SYT12: variants seen among roughly 807,000 people sequenced by gnomAD.
SYT12 encodes the protein synaptotagmin 12, also known as synaptotagmin-12.
SYT12 carries 27 observed loss-of-function variants against 39.5 expected under a neutral mutation model. The observed-to-expected ratio is 0.68, with a 90% confidence interval of 0.50 to 0.94. The LOEUF (loss-of-function observed/expected upper bound fraction) is 0.94, where lower values mean the gene tolerates loss of function less well. Ranked by LOEUF, SYT12 falls within the 40% of genes least tolerant of loss-of-function variation. The pLI is 0.00. For missense variants in SYT12, 536 were observed against 572.6 expected, an observed-to-expected ratio of 0.94 and a Z score of 0.65; for synonymous variants, 233 against 239.7, an observed-to-expected ratio of 0.97 and a Z score of 0.26.
chr11:67,025,278 TAGCA>T (rs765728977), intron 1 of SYT12, among the ~76,000 whole-genome samples: 8 of 152,244 alleles, frequency 5.3e-5, no homozygotes, highest in Non-Finnish European at 1.0e-4. Context: ...CACATGCATG[TAGCA>T]GTAAGGAGAT....
chr11:67,027,892 G>A (rs1162929722), intron 1 of SYT12: 2 of 152,258 alleles, frequency 1.3e-5, no homozygotes, highest in Non-Finnish European at 2.9e-5. Context: ...AAGCAGGCTG[G>A]GAGGTGCGTG....
intron 3 of SYT12, among the ~76,000 whole-genome samples, chr11:67,015,313 C>A (rs530188622): frequency 6.6e-6 from 1 of 152,356 alleles, no homozygotes; most frequent in South Asian, 2.1e-4. Flanking sequence ...GTCCCTGCCA[C>A]CCCTGCTGGC....
intron 1 of SYT12, among the ~76,000 whole-genome samples, 191 bp downstream of exon 1, chr11:67,023,651 C>CCCGG (rs1053995036): frequency 8.5e-5 from 13 of 152,218 alleles, no homozygotes; most frequent in Non-Finnish European, 1.5e-4. Flanking sequence ...CCTTACCCGG[C>CCCGG]CCGGCCACTC....
In SYT12 at chr11:67,045,792, A is replaced by G; in HGVS notation, c.1007A>G (p.Lys336Arg). Residue 336 changes from lysine (K) to arginine (R), a missense_variant, in exon 7 of 8, where the codon AAA becomes AGA. Coordinates refer to ENST00000527043, the MANE Select transcript of SYT12 (RefSeq NM_177963.4). ...YLLQDGRKMS[K>R]KKTAVKRDDP... ...CTGCAGGATGGGAGGAAGATGAGCA[A>G]AAAGAAGACAGCCGTGAAGAGGGAT... 6.2e-7 allele frequency: 1 copy of G among 1,613,896 alleles called. No homozygotes were observed. Among genetic ancestry groups the G allele is most frequent in the South Asian group, 1.1e-5 (1 of 91,056 alleles).
intron 2 of SYT12, chr11:67,032,381 C>G (rs931370563): frequency 6.6e-5 from 10 of 152,202 alleles, no homozygotes; most frequent in African/African-American, 2.2e-4. Context: ...AGACACAAAA[C>G]CTGTTGGGAT....
intron 6 of SYT12, among the ~76,000 whole-genome samples, chr11:67,045,222 G>C (rs1219731053): frequency 1.4e-5 from 2 of 147,830 alleles, no homozygotes; most frequent in Non-Finnish European, 3.0e-5. Flanking sequence ...CTGTATTCTA[G>C]AGAACTGAAG....
Position 67,043,716 on chromosome 11 carries a change from A to G in SYT12, c.700A>G (p.Ser234Gly), listed in dbSNP as rs202021789. ...GGATCCCACAGCCCTGGAGGAGAAG[A>G]GCCTGCGGTTTTCTGTATTTGGCAT... ...PLDPTALEEK[S>G]LRFSVFGIDE... Residue 234 changes from serine (S) to glycine (G), a missense_variant, in exon 5 of 8, where the codon AGC (serine) becomes GGC (glycine). Coordinates refer to ENST00000527043, the MANE Select transcript of SYT12 (RefSeq NM_177963.4). 8.1e-6 allele frequency: 13 copies of G among 1,614,154 alleles called. No homozygotes were observed. Among genetic ancestry groups the G allele is most frequent in the Non-Finnish European group, 1.1e-5 (13 of 1,180,048 alleles).
At chr11:67,014,369 A>G (rs1950036578) in intron 3 of SYT12, among the ~76,000 whole-genome samples, 1 of 152,148 alleles carries the variant, frequency 6.6e-6, no homozygotes, top group South Asian at 2.1e-4. Flanking sequence ...AATGAGTTTG[A>G]TGACTGTGAA....
chr11:67,037,116 A>G (rs1463760048), intron 3 of SYT12, among the ~76,000 whole-genome samples: 2 of 152,074 alleles, frequency 1.3e-5, no homozygotes, highest in Non-Finnish European at 2.9e-5. Context: ...TTAGCTGAGC[A>G]TGGTGGCAGG....
exon 1 of SYT12, chr11:67,006,869 A>G (rs1258674789): frequency 6.6e-6 from 1 of 152,268 alleles, no homozygotes; most frequent in African/African-American, 2.4e-5. Flanking sequence ...TGGTCTCTCC[A>G]ACCCTGATCC....
chr11:67,048,898 CTCTG>C lies in SYT12; in HGVS notation c.*144_*147del. On this transcript the variant is annotated 3_prime_UTR_variant, in exon 8 of 8. Transcript: ENST00000527043. ...GAGTCCTCATGACCCATCCTGGTCT[CTCTG>C]TCCAGATTGCAGCAGAGGAGTGGGC... 1.4e-5 allele frequency: 14 copies of C among 992,954 alleles called. No homozygotes were observed. In the South Asian group the frequency reaches 2.2e-4, roughly 16 times the overall value. 61.5% of individuals were successfully genotyped at this position (992,954 alleles called of 1,614,324 possible). A position where few individuals can be genotyped will look rare whatever the true frequency, so the allele number is the denominator to read the frequency against.
At chr11:67,030,094 T>C (rs1950236914) in intron 1 of SYT12, 28 bp from the exon 2 acceptor site, 7 of 1,609,016 alleles carry the variant, frequency 4.4e-6, no homozygotes, top group Non-Finnish European at 5.9e-6. Context: ...TCTGCAGCCC[T>C]CTCCTCTCAC....
At chr11:67,039,039 C>G (rs1041178551) in intron 3 of SYT12, among the ~76,000 whole-genome samples, 1 of 151,786 alleles carries the variant, frequency 6.6e-6, no homozygotes. Context: ...AGTGGTGGCT[C>G]GCACCTGTAA....
chr11:67,017,054 A>G (rs1405843391), intron 3 of SYT12, among the ~76,000 whole-genome samples: 1 of 152,242 alleles, frequency 6.6e-6, no homozygotes, highest in Non-Finnish European at 1.5e-5. Context: ...GACTTGCTCT[A>G]TACCAGGCAT....
intron 3 of SYT12, among the ~76,000 whole-genome samples, chr11:67,038,816 G>C (rs1456436224): frequency 6.6e-6 from 1 of 150,994 alleles, no homozygotes; most frequent in East Asian, 2.0e-4. Context: ...CTGAAACCCT[G>C]TCTCTACTAA....
exon 2 of SYT12, chr11:67,010,090 C>G (rs996202205): frequency 6.6e-6 from 1 of 152,308 alleles, no homozygotes; most frequent in Admixed American, 6.5e-5. Context: ...GGCCCGTGGA[C>G]AGTGACAGCC....
chr11:67,042,215 G>A (rs180869699), intron 4 of SYT12, among the ~76,000 whole-genome samples: 1 of 152,308 alleles, frequency 6.6e-6, no homozygotes, highest in East Asian at 1.9e-4. Context: ...TGGGCATCAT[G>A]GTTATTGAGG....
intron 1 of SYT12, among the ~76,000 whole-genome samples, chr11:67,024,467 C>A (rs1329633126): frequency 6.6e-6 from 1 of 152,158 alleles, no homozygotes; most frequent in Non-Finnish European, 1.5e-5. Context: ...GGTTTCAAAC[C>A]CGGACTCTGC....
At chr11:67,035,823 TTC>T (rs1419997856) in intron 3 of SYT12, among the ~76,000 whole-genome samples, 1 of 91,800 alleles carries the variant, frequency 1.1e-5, no homozygotes, top group African/African-American at 5.2e-5. Context: ...CCTTCCTTCC[TTC>T]CTTCCTTCCT....
Sources: gnomAD v4.1 joint callset for allele counts (sites outside exome capture counted in the v4.1 genomes callset) on GRCh38, gnomAD v4.1.1 for gene constraint, MANE v1.5 for transcripts, NCBI Gene and HGNC (gene_info 2026-07-23, HGNC 2026-07-21) for gene names.